The following ZC3H12B variants were observed in gnomAD, a reference collection of about 807,000 sequenced individuals.
ZC3H12B encodes zinc finger CCCH-type containing 12B.
In ZC3H12B, 7 loss-of-function variants were observed where a neutral mutation model predicts 43.9. The ratio of observed to expected loss-of-function variants is 0.16; its 90% confidence interval spans 0.09 to 0.30. The LOEUF is 0.30. Among genes scored for constraint, ZC3H12B ranks in the 10% least tolerant of loss-of-function variants. The pLI, the probability that ZC3H12B is intolerant of heterozygous loss-of-function variation, is 1.00. For missense variants in ZC3H12B, 475 were observed against 670.2 expected (o/e 0.71, Z 3.22); for synonymous variants, 222 against 241.7 (o/e 0.92, Z 0.76).
At chrX:65,471,599 C>G (rs2067914989) in intron 3 of ZC3H12B, among the ~76,000 whole-genome samples, 1 of 108,569 alleles carries the variant, frequency 9.2e-6, no homozygotes, top group African/African-American at 3.4e-5. Flanking sequence ...TACAGATATG[C>G]ACCACCATGC....
exon 5 of ZC3H12B, chrX:65,502,702 T>C (rs2068384607): frequency 1.7e-6 from 2 of 1,207,981 alleles, no homozygotes; most frequent in Admixed American, 2.2e-5. Flanking sequence ...ACCCATCAAC[T>C]GGAACACGTT....
chrX:65,502,127 C>T (rs1464627734), exon 5 of ZC3H12B: 1 of 1,207,794 alleles, frequency 8.3e-7, no homozygotes, highest in African/African-American at 1.8e-5. Flanking sequence ...AATCCCACCC[C>T]CCAAAAGCCA....
chrX:65,450,859 GTA>G (rs1156788405), intron 3 of ZC3H12B, among the ~76,000 whole-genome samples: 2 of 75,652 alleles, frequency 2.6e-5, no homozygotes, highest in East Asian at 8.1e-4. Context: ...ATACATATGT[GTA>G]TATATGTATA....
At chrX:65,241,526 A>C in the ZC3H12B span, among the ~76,000 whole-genome samples, 3 of 111,694 alleles carry the variant, frequency 2.7e-5, no homozygotes, top group South Asian at 1.1e-3. Flanking sequence ...TGAAATTCCC[A>C]CAGGGAGGTC....
intron 2 of ZC3H12B, among the ~76,000 whole-genome samples, chrX:65,390,266 G>A (rs1201611943): frequency 1.8e-5 from 2 of 110,851 alleles, no homozygotes; most frequent in Non-Finnish European, 3.8e-5. Context: ...TAGGGTAGGG[G>A]GAGGGGGAGG....
chrX:65,102,840 G>C, the ZC3H12B span, among the ~76,000 whole-genome samples: 1 of 111,426 alleles, frequency 9.0e-6, no homozygotes, highest in Non-Finnish European at 1.9e-5. Context: ...CAGGTTCCGT[G>C]ATGCCCCCTG....
At chrX:65,298,737 A>T in the ZC3H12B span, among the ~76,000 whole-genome samples, 1 of 112,060 alleles carries the variant, frequency 8.9e-6, no homozygotes, top group African/African-American at 3.2e-5. Flanking sequence ...TCATACTGCT[A>T]TAAAGAACTG....
At chrX:65,324,485 A>G in the ZC3H12B span, among the ~76,000 whole-genome samples, 1 of 110,949 alleles carries the variant, frequency 9.0e-6, no homozygotes, top group African/African-American at 3.3e-5. Flanking sequence ...GCATTCCATA[A>G]GTTTGGTATA....
intron 3 of ZC3H12B, among the ~76,000 whole-genome samples, chrX:65,459,619 T>C (rs1256302237): frequency 1.8e-5 from 2 of 111,880 alleles, no homozygotes; most frequent in Non-Finnish European, 3.8e-5. Flanking sequence ...CATGATTATC[T>C]CAATAGATGC....
chrX:65,112,629 A>G, the ZC3H12B span, among the ~76,000 whole-genome samples: 2 of 111,864 alleles, frequency 1.8e-5, no homozygotes, highest in Non-Finnish European at 3.8e-5. Flanking sequence ...TCTAAGCTCT[A>G]TAGATGGAAC....
chrX:65,201,265 G>C, the ZC3H12B span, among the ~76,000 whole-genome samples: 5 of 111,277 alleles, frequency 4.5e-5, no homozygotes, highest in Admixed American at 4.8e-4. Context: ...TCTGTTCCTT[G>C]TTCAGTCTTG....
At chrX:65,101,993 C>T in the ZC3H12B span, among the ~76,000 whole-genome samples, 1 of 112,146 alleles carries the variant, frequency 8.9e-6, no homozygotes, top group Non-Finnish European at 1.9e-5. Context: ...CAATAAAATA[C>T]TGGCAAACCG....
the ZC3H12B span, among the ~76,000 whole-genome samples, chrX:65,163,139 G>C: frequency 9.0e-6 from 1 of 110,742 alleles, no homozygotes; most frequent in Non-Finnish European, 1.9e-5. Context: ...TTTTGTCTCA[G>C]AGGAATACCT....
rs752297051 is a variant in ZC3H12B, at chrX:65,456,574, G to A, written n.408-32072G>A. ...CTGCCTCAGCCTGCCGAGTGCCTGC[G>A]ATTGCAGGCGCGCGCCGCCACGCCT... is the stretch of plus-strand genomic sequence containing the variant. On this transcript the variant is annotated intron_variant and non_coding_transcript_variant, in intron 3 of 5. Coordinates refer to the ZC3H12B transcript ENST00000617377. Among the ~76,000 whole-genome samples, 3 of 104,441 alleles carry A rather than the reference G, an allele frequency of 2.9e-5. No individual in the cohort carries two copies. The Admixed American group carries it at 3.0e-4, about 10-fold the overall frequency. The allele number at this position is 104,441 out of a possible 115,157, so 90.7% of individuals were successfully genotyped here. A position where few individuals can be genotyped will look rare whatever the true frequency, so the allele number is the denominator to read the frequency against.
At chrX:65,396,564 G>T (rs1440495921) in intron 2 of ZC3H12B, among the ~76,000 whole-genome samples, 2 of 107,482 alleles carry the variant, frequency 1.9e-5, no homozygotes, top group Non-Finnish European at 3.8e-5. Context: ...TATAATTTCA[G>T]GTTTTTTGTT....
chrX:65,121,744 G>T, the ZC3H12B span, among the ~76,000 whole-genome samples: 10 of 110,753 alleles, frequency 9.0e-5, no homozygotes, highest in African/African-American at 3.3e-4. Context: ...GTGATGTTAA[G>T]GTGTCAATTT....
At chrX:65,266,578 C>A in the ZC3H12B span, among the ~76,000 whole-genome samples, 2 of 111,677 alleles carry the variant, frequency 1.8e-5, no homozygotes, top group African/African-American at 6.5e-5. Context: ...TGTTGTTTTG[C>A]AGTAAAGGAG....
At chrX:65,500,017 C>T in intron 4 of ZC3H12B, 28 bp downstream of exon 9, 1 of 1,057,338 alleles carries the variant, frequency 9.5e-7, no homozygotes, top group Non-Finnish European at 1.3e-6. Flanking sequence ...AAACTGAGTT[C>T]TGTACCACCG....
At chrX:65,309,123 A>G in the ZC3H12B span, among the ~76,000 whole-genome samples, 2 of 110,536 alleles carry the variant, frequency 1.8e-5, no homozygotes, top group Non-Finnish European at 3.8e-5. Context: ...GCAGAAGGCA[A>G]GAAATAACTA....
Sources: allele counts gnomAD v4.1 joint callset (sites outside exome capture counted in the v4.1 genomes callset), GRCh38; gene constraint gnomAD v4.1.1; transcripts MANE v1.5; gene names NCBI Gene and HGNC (gene_info 2026-07-23, HGNC 2026-07-21).